Variants in UCK2 observed in about 807,000 individuals in gnomAD.
UCK2 encodes uridine-cytidine kinase 2.
In UCK2, 6 loss-of-function variants were observed where a neutral mutation model predicts 30.8. The observed-to-expected ratio is 0.19, with a 90% CI of 0.11 to 0.38. The LOEUF (loss-of-function observed/expected upper bound fraction) is 0.38. Ranked by LOEUF, UCK2 falls within the 10% of genes least tolerant of loss-of-function variation. The pLI, the probability that UCK2 is intolerant of heterozygous loss-of-function variation, is 1.00. For missense variants in UCK2, 210 were observed against 339.8 expected (o/e 0.62, Z 3.00); for synonymous variants, 125 against 133.6 (o/e 0.94, Z 0.45).
chr1:165,872,532 A>T (rs1044565100), intron 1 of UCK2, among the ~76,000 whole-genome samples: 4 of 149,470 alleles, frequency 2.7e-5, no homozygotes, highest in Non-Finnish European at 5.9e-5. Flanking sequence ...TGGAAATTTT[A>T]AAAAATGCAG....
At chr1:165,900,986 C>T (rs1257600796) in intron 4 of UCK2, among the ~76,000 whole-genome samples, 1 of 152,076 alleles carries the variant, frequency 6.6e-6, no homozygotes, top group Admixed American at 6.5e-5. Context: ...TTGGAGGCCG[C>T]GCTGGCTGTG....
chr1:165,871,275 G>A (rs968548750), intron 1 of UCK2, among the ~76,000 whole-genome samples: 9 of 152,154 alleles, frequency 5.9e-5, no homozygotes, highest in South Asian at 2.1e-4. Context: ...AATATACCTC[G>A]TGTTTTAAAG....
At position 165,880,564 on chromosome 1, in the gene UCK2, GGGGTGTGTGTGTGTGTGTGTGTGTGT is replaced by G. The variant is rs1384620178; in HGVS notation, c.100-9638_100-9613del. ...GCCTAGATCCATTCAGTTTTTTTTG[GGGGTGTGTGTGTGTGTGTGTGTGTGT>G]GTGTGTGTGTGTGTGTGTGTGTGTG... On this transcript the variant is annotated intron_variant, in intron 1 of 6. Transcript: ENST00000367879. Among the ~76,000 whole-genome samples the G allele has an allele frequency of 5.0e-3, 496 of 100,056 alleles. 7 individuals carry two copies. Among genetic ancestry groups the G allele is most frequent in the South Asian group, 0.029 (104 of 3,590 alleles). 65.6% of individuals were successfully genotyped at this position (100,056 alleles called of 152,430 possible). A position where few individuals can be genotyped will look rare whatever the true frequency, so the allele number is the denominator to read the frequency against.
At chr1:165,830,391 C>G (rs1014117691) in intron 1 of UCK2, among the ~76,000 whole-genome samples, 2 of 150,640 alleles carry the variant, frequency 1.3e-5, no homozygotes, top group Non-Finnish European at 2.9e-5. Flanking sequence ...GTGGCATGAT[C>G]TCGGCTCACT....
chr1:165,891,520 G>A, intron 3 of UCK2, 198 bp downstream of exon 3: 1 of 569,164 alleles, frequency 1.8e-6, no homozygotes, highest in South Asian at 2.1e-5. Context: ...GAGTTCATCT[G>A]AGCGCTCCCT....
intron 1 of UCK2, among the ~76,000 whole-genome samples, chr1:165,848,793 A>G (rs1362460313): frequency 6.6e-6 from 1 of 152,004 alleles, no homozygotes; most frequent in Non-Finnish European, 1.5e-5. Context: ...TTATTCTTAG[A>G]TTGTCATCTG....
At chr1:165,880,501 G>C (rs952019192) in intron 1 of UCK2, among the ~76,000 whole-genome samples, 7 of 151,896 alleles carry the variant, frequency 4.6e-5, no homozygotes, top group African/African-American at 1.7e-4. Flanking sequence ...TTCTTGGAGA[G>C]GGCATCATAA....
chr1:165,907,841 C>G lies in UCK2; in HGVS notation c.*18C>G, dbSNP rs1280293402. 1.9e-6 allele frequency: 3 copies of G among 1,612,912 alleles called. No homozygotes were observed. The South Asian group carries it at 3.3e-5, about 18-fold the overall frequency. ...CGCATTGACCCGTCTCCATCGGACCCCAGCCCCTATCTCCAAGAGACAGAG... is the reference window on the plus strand; with the variant it reads ...CGCATTGACCCGTCTCCATCGGACCGCAGCCCCTATCTCCAAGAGACAGAG... On this transcript the variant is annotated 3_prime_UTR_variant, in exon 7 of 7. Coordinates refer to ENST00000367879, the MANE Select transcript of UCK2 (RefSeq NM_012474.5).
intron 1 of UCK2, among the ~76,000 whole-genome samples, chr1:165,867,880 G>T (rs1655085014): frequency 6.6e-6 from 1 of 152,172 alleles, no homozygotes; most frequent in Non-Finnish European, 1.5e-5. Flanking sequence ...ATCTAGAATG[G>T]TGAATCCTTT....
intron 1 of UCK2, among the ~76,000 whole-genome samples, chr1:165,860,818 C>T (rs1654877326): frequency 6.6e-6 from 1 of 152,086 alleles, no homozygotes; most frequent in Admixed American, 6.6e-5. Context: ...CTATTATAAT[C>T]CTTAGAGCCG....
chr1:165,847,136 A>G (rs549802355), intron 1 of UCK2, among the ~76,000 whole-genome samples: 8 of 152,276 alleles, frequency 5.3e-5, no homozygotes, highest in African/African-American at 1.9e-4. Flanking sequence ...AAAAAAAAGT[A>G]TATGGTATAA....
intron 4 of UCK2, among the ~76,000 whole-genome samples, chr1:165,897,758 C>T (rs1054673741): frequency 6.6e-6 from 1 of 152,184 alleles, no homozygotes; most frequent in Admixed American, 6.5e-5. Flanking sequence ...CTGAGCTTTG[C>T]CCTTCTAAGT....
chr1:165,833,914 T>A (rs1168317858), intron 1 of UCK2, among the ~76,000 whole-genome samples: 1 of 152,126 alleles, frequency 6.6e-6, no homozygotes, highest in Non-Finnish European at 1.5e-5. Flanking sequence ...TTTCATCATA[T>A]ATATAAAATA....
At chr1:165,847,680 C>T (rs1654486230) in intron 1 of UCK2, among the ~76,000 whole-genome samples, 2 of 151,778 alleles carry the variant, frequency 1.3e-5, no homozygotes, top group African/African-American at 2.4e-5. Flanking sequence ...CAGATACCAT[C>T]ATAGCACATT....
chr1:165,849,576 C>T (rs1654540291), intron 1 of UCK2, among the ~76,000 whole-genome samples: 1 of 152,172 alleles, frequency 6.6e-6, no homozygotes, highest in Non-Finnish European at 1.5e-5. Context: ...GAAGCCAGTG[C>T]TAGGGCACTA....
chr1:165,896,430 C>A, intron 4 of UCK2, 98 bp downstream of exon 4: 3 of 1,388,864 alleles, frequency 2.2e-6, no homozygotes, highest in South Asian at 1.3e-5. Flanking sequence ...GAGTCTGAAG[C>A]CCATGCCTTC....
At chr1:165,832,720 A>C (rs921830964) in intron 1 of UCK2, among the ~76,000 whole-genome samples, 1 of 151,990 alleles carries the variant, frequency 6.6e-6, no homozygotes, top group Non-Finnish European at 1.5e-5. Flanking sequence ...CAGCCTCCCA[A>C]GTAGCTGGGA....
At chr1:165,888,727 C>T (rs1484812001) in intron 1 of UCK2, among the ~76,000 whole-genome samples, 1 of 149,530 alleles carries the variant, frequency 6.7e-6, no homozygotes, top group African/African-American at 2.5e-5. Context: ...AAGCAATCCA[C>T]CCCCTTCAGC....
Position 165,911,263 on chromosome 1 carries a change from G to GGT in UCK2, c.*3442_*3443dup, listed in dbSNP as rs958693708. The GGT allele has an allele frequency of 3.3e-5, 5 of 152,376 alleles. No individual in the cohort carries two copies. Among genetic ancestry groups the GGT allele is most frequent in the African/African-American group, 9.7e-5 (4 of 41,434 alleles). The allele number at this position is 152,376 out of a possible 1,614,324, so 9.4% of individuals were successfully genotyped here. Reference sequence around the variant, plus strand: ...GCCCTTTACACTTTGCTCAGGGCGGGGTGGGGGAAGCATTCAAACAAAACA... The same window carrying GGT: ...GCCCTTTACACTTTGCTCAGGGCGGGGTGTGGGGGAAGCATTCAAACAAAACA... On this transcript the variant is annotated 3_prime_UTR_variant, in exon 7 of 7. Transcript: ENST00000367879.
Sources: allele counts gnomAD v4.1 joint callset (sites outside exome capture counted in the v4.1 genomes callset), GRCh38; gene constraint gnomAD v4.1.1; transcripts MANE v1.5; gene names NCBI Gene and HGNC (gene_info 2026-07-23, HGNC 2026-07-21).